The following FAM168A variants were observed in gnomAD, a reference collection of about 807,000 sequenced individuals.
FAM168A encodes protein FAM168A.
FAM168A carries 3 observed loss-of-function variants against 28.5 expected under a neutral mutation model. That is an observed-to-expected ratio of 0.11 (90% confidence interval 0.05 to 0.27). FAM168A has a LOEUF of 0.27. FAM168A is among the 10% of genes least tolerant of loss of function. The pLI, the probability that FAM168A is intolerant of heterozygous loss-of-function variation, is 1.00. For synonymous variants in FAM168A, 122 were observed against 124.2 expected, an observed-to-expected ratio of 0.98 and a Z score of 0.12; for missense variants, 222 against 311.5, an observed-to-expected ratio of 0.71 and a Z score of 2.16.
At chr11:73,571,354 C>T (rs538076569) in intron 1 of FAM168A, among the ~76,000 whole-genome samples, 8,037 of 149,016 alleles carry the variant, frequency 0.054, 740 homozygotes, top group African/African-American at 0.18. Flanking sequence ...TGCCTGATTC[C>T]CCTGCCTCAG....
chr11:73,585,205 C>A (rs1392441401), intron 1 of FAM168A, among the ~76,000 whole-genome samples: 1 of 152,182 alleles, frequency 6.6e-6, no homozygotes, highest in African/African-American at 2.4e-5. Flanking sequence ...TACTGAAAGT[C>A]ACAATAAATT....
intron 1 of FAM168A, among the ~76,000 whole-genome samples, chr11:73,566,004 C>T (rs1177104277): frequency 2.0e-5 from 3 of 152,158 alleles, no homozygotes; most frequent in East Asian, 1.9e-4. Context: ...CCCAAAGACA[C>T]TTAAGTTTGC....
chr11:73,435,585 C>T (rs1012813472), intron 2 of FAM168A, among the ~76,000 whole-genome samples: 5 of 151,946 alleles, frequency 3.3e-5, no homozygotes, highest in African/African-American at 4.8e-5. Context: ...TCTTACTTTA[C>T]TTATTTATTT....
intron 1 of FAM168A, among the ~76,000 whole-genome samples, chr11:73,571,047 T>G (rs1944080392): frequency 6.6e-6 from 1 of 152,088 alleles, no homozygotes; most frequent in South Asian, 2.1e-4. Flanking sequence ...CAGAAGACAA[T>G]GATCCAGACA....
At chr11:73,429,666 C>A (rs1229184868) in intron 3 of FAM168A, among the ~76,000 whole-genome samples, 3 of 152,136 alleles carry the variant, frequency 2.0e-5, no homozygotes, top group South Asian at 2.1e-4. Flanking sequence ...TGTTGTTCTC[C>A]ACTCTCTGAA....
chr11:73,530,194 T>C (rs764369875), intron 1 of FAM168A, among the ~76,000 whole-genome samples: 75 of 152,134 alleles, frequency 4.9e-4, no homozygotes, highest in Non-Finnish European at 9.6e-4. Flanking sequence ...CATGGTGCAA[T>C]AAGGAAGACA....
At chr11:73,528,054 C>T (rs1374262705) in intron 1 of FAM168A, among the ~76,000 whole-genome samples, 1 of 152,174 alleles carries the variant, frequency 6.6e-6, no homozygotes, top group East Asian at 1.9e-4. Flanking sequence ...GTCTCTGTAG[C>T]CATGCAGTGG....
At position 73,544,454 on chromosome 11, in the gene FAM168A, C is replaced by CTA. The variant is rs149104278; in HGVS notation, c.-19+53467_-19+53468dup. 9.8e-3 allele frequency among the ~76,000 whole-genome samples: 1,482 copies of CTA among 151,780 alleles called. 29 individuals carry two copies. The highest frequency in any genetic ancestry group is 0.033 in the African/African-American group (1,381 of 41,372). ...TGTATACCCAAGAGAAATAAGAAAC[C>CTA]TATGTCCACATAAAAACTTATATGC... is the stretch of plus-strand genomic sequence containing the variant. On this transcript the variant is annotated intron_variant, in intron 1 of 7. Transcript: ENST00000356467.
intron 1 of FAM168A, among the ~76,000 whole-genome samples, chr11:73,538,174 C>A (rs1254005701): frequency 6.6e-6 from 1 of 152,082 alleles, no homozygotes; most frequent in Non-Finnish European, 1.5e-5. Context: ...TTAGGTTCCC[C>A]ATATCTTATT....
In FAM168A at chr11:73,401,058, C is replaced by T. The variant is rs1203548933; in HGVS notation, c.*5705G>A. ...ACCTATAAATTCTTTGATCAAACTA[C>T]TTGGAAGACACTGGTCAAAGGTTTA... On this transcript the variant is annotated 3_prime_UTR_variant, in exon 8 of 8. Coordinates refer to ENST00000356467, the MANE Select transcript of FAM168A (RefSeq NM_015159.3). The T allele has an allele frequency of 6.6e-6, 1 of 150,622 alleles. No homozygotes were observed. The highest frequency in any genetic ancestry group is 1.5e-5 in the Non-Finnish European group (1 of 67,800). The allele number at this position is 150,622 out of a possible 1,614,324, so 9.3% of individuals were successfully genotyped here. A position where few individuals can be genotyped will look rare whatever the true frequency, so the allele number is the denominator to read the frequency against.
intron 1 of FAM168A, among the ~76,000 whole-genome samples, chr11:73,543,262 C>CTT (rs58715872): frequency 0.052 from 5,765 of 111,830 alleles, 601 homozygotes; most frequent in African/African-American, 0.18. Context: ...ATTAATTGTT[C>CTT]TTTTTTTTTT....
At chr11:73,465,804 A>G (rs957473775) in intron 2 of FAM168A, among the ~76,000 whole-genome samples, 1 of 152,210 alleles carries the variant, frequency 6.6e-6, no homozygotes, top group African/African-American at 2.4e-5. Context: ...TTGAAAGTAT[A>G]TGGCATATTA....
intron 1 of FAM168A, among the ~76,000 whole-genome samples, chr11:73,494,361 G>C (rs1367666656): frequency 6.6e-6 from 1 of 152,272 alleles, no homozygotes; most frequent in East Asian, 1.9e-4. Flanking sequence ...CTACTCAAAG[G>C]ACAAGAGATC....
At chr11:73,515,562 GAAAAGA>G (rs1217890391) in intron 1 of FAM168A, among the ~76,000 whole-genome samples, 1 of 148,290 alleles carries the variant, frequency 6.7e-6, no homozygotes, top group African/African-American at 2.5e-5. Flanking sequence ...ATTTTAAAAG[GAAAAGA>G]AAAAGTACCA....
intron 1 of FAM168A, among the ~76,000 whole-genome samples, chr11:73,561,600 C>T (rs958424406): frequency 3.3e-5 from 5 of 152,124 alleles, no homozygotes; most frequent in African/African-American, 1.2e-4. Flanking sequence ...GTGGTAAATG[C>T]TACTCTGTCC....
chr11:73,444,788 A>C (rs1489667071), intron 2 of FAM168A, among the ~76,000 whole-genome samples: 1 of 152,226 alleles, frequency 6.6e-6, no homozygotes, highest in East Asian at 1.9e-4. Flanking sequence ...AGTACATAGC[A>C]TATACTCTCA....
chr11:73,520,908 T>TA (rs397942828), intron 1 of FAM168A, among the ~76,000 whole-genome samples: 3,940 of 142,130 alleles, frequency 0.028, 174 homozygotes, highest in African/African-American at 0.094. Context: ...AATAAGCAGC[T>TA]AAAAAAAAAA....
At chr11:73,434,143 C>A (rs963193314) in intron 2 of FAM168A, among the ~76,000 whole-genome samples, 1 of 148,490 alleles carries the variant, frequency 6.7e-6, no homozygotes, top group African/African-American at 2.5e-5. Context: ...CGTGCCTGGC[C>A]AGGTAGGCCT....
intron 1 of FAM168A, among the ~76,000 whole-genome samples, chr11:73,563,163 T>C (rs893231664): frequency 2.0e-5 from 3 of 152,232 alleles, no homozygotes; most frequent in South Asian, 2.1e-4. Context: ...ATCAGGTATT[T>C]ACTTGATGTT....
Sources: gnomAD v4.1 joint callset for allele counts (sites outside exome capture counted in the v4.1 genomes callset) on GRCh38, gnomAD v4.1.1 for gene constraint, MANE v1.5 for transcripts, NCBI Gene and HGNC (gene_info 2026-07-23, HGNC 2026-07-21) for gene names.